The following LAMB4 variants were observed in gnomAD, a reference collection of about 807,000 sequenced individuals.
LAMB4 encodes the protein laminin subunit beta-4.
Under a neutral mutation model 199.2 loss-of-function variants are expected in LAMB4, and 196 were observed. The ratio of observed to expected loss-of-function variants is 0.98; its 90% CI spans 0.88 to 1.11. The LOEUF is 1.11. LAMB4 is among the 50% of genes least tolerant of loss of function. The pLI, the probability that LAMB4 is intolerant of heterozygous loss-of-function variation, is 0.00. For synonymous variants in LAMB4, 744 were observed against 770.6 expected, an observed-to-expected ratio of 0.97 and a Z score of 0.57; for missense variants, 2,080 against 2,171.2, an observed-to-expected ratio of 0.96 and a Z score of 0.83.
intron 14 of LAMB4, among the ~76,000 whole-genome samples, chr7:108,090,137 A>G (rs1448290594): frequency 6.6e-6 from 1 of 152,234 alleles, no homozygotes; most frequent in African/African-American, 2.4e-5. Context: ...TAATGTATGT[A>G]AAGTGCAAAG....
chr7:108,129,300 G>A (rs1251589501), intron 1 of LAMB4, among the ~76,000 whole-genome samples: 2 of 152,134 alleles, frequency 1.3e-5, no homozygotes, highest in African/African-American at 4.8e-5. Flanking sequence ...CCTTTCTTCT[G>A]CAAATTGGAC....
At position 108,069,767 on chromosome 7, in the gene LAMB4, G is replaced by A. The variant is rs773479565; in HGVS notation, c.2243C>T (p.Pro748Leu). ...IASAMGPQVL[P>L]GACERLIISM... ...GATGATCAGCCTTTCACAGGCACCCGGGAGCACTTGAGGTCCCATTGCTGA... is the reference window on the plus strand; with the variant it reads ...GATGATCAGCCTTTCACAGGCACCCAGGAGCACTTGAGGTCCCATTGCTGA... Residue 748 changes from proline to leucine, a missense_variant, in exon 18 of 34, where the codon CCG becomes CTG. By Grantham distance (98) the Pro-to-Leu change is moderately conservative. Transcript: ENST00000388781. 14 of 1,613,796 alleles carry A rather than the reference G, an allele frequency of 8.7e-6. No individual in the cohort carries two copies. The highest frequency in any genetic ancestry group is 1.1e-5 in the Non-Finnish European group (13 of 1,179,882).
rs1332649607 is a variant in LAMB4, at chr7:108,092,382, C to A, written c.1505G>T (p.Gly502Val). The change falls in exon 13 of 34, where the codon GGG (glycine) becomes GTG (valine). Residue 502 changes from glycine to valine, a missense_variant. Coordinates refer to ENST00000388781, the MANE Select transcript of LAMB4 (RefSeq NM_007356.3). ...AATATCACAGTCACAGGGAGAACAC[C>A]CATGGAGATGATTTCCCAGGCCCCA... Reference protein sequence around the residue: ...GYWGLGNHLHGCSPCDCDIGG... With the variant: ...GYWGLGNHLHVCSPCDCDIGG... 19 of 1,613,926 alleles carry A rather than the reference C, an allele frequency of 1.2e-5. No homozygotes were observed. Among genetic ancestry groups the A allele is most frequent in the Non-Finnish European group, 1.5e-5 (18 of 1,179,902 alleles).
At chr7:108,017,351 T>C in the LAMB4 span, among the ~76,000 whole-genome samples, 14 of 152,302 alleles carry the variant, frequency 9.2e-5, no homozygotes, top group African/African-American at 3.4e-4. Context: ...GGCTGTTTCA[T>C]GTTGCAAGAA....
Position 108,116,141 on chromosome 7 carries a change from C to T in LAMB4, c.55G>A (p.Ala19Thr), listed in dbSNP as rs779202203. The change falls in exon 3 of 34, where the codon GCT becomes ACT. Residue 19 changes from alanine to threonine, a missense_variant. Physicochemically the swap from Ala to Thr is moderately conservative, Grantham distance 58. Transcript: ENST00000388781. ...GCACCCCTGTTGCAGTCATCTTGAG[C>T]TTTTGAGTAACTGAGCCACCCTTGA... ...LHLGWLSYSK[A>T]QDDCNRGACH... 7 of 1,613,768 alleles carry T rather than the reference C, an allele frequency of 4.3e-6. No homozygotes were observed. The African/African-American group carries it at 8.0e-5, about 18-fold the overall frequency.
At chr7:108,012,126 A>AGGAGGT in the LAMB4 span, among the ~76,000 whole-genome samples, 1 of 151,794 alleles carries the variant, frequency 6.6e-6, no homozygotes, top group Non-Finnish European at 1.5e-5. Flanking sequence ...AGCAAACAAC[A>AGGAGGT]ACATAATTTC....
chr7:108,121,750 TAA>T (rs36039113), intron 2 of LAMB4, among the ~76,000 whole-genome samples: 50 of 138,124 alleles, frequency 3.6e-4, no homozygotes, highest in Admixed American at 6.6e-4. Context: ...AACTCTGTCT[TAA>T]AAAAAAAAAA....
rs1329297571 is a variant in LAMB4 at position 108,062,921 on chromosome 7, A to T, written c.3135T>A (p.Pro1045=). ...PPGGGACLCD[P]VTGACPCLPN... is the part of the protein sequence containing the mutation. ...GCAGACAAGGACATGCACCAGTGAC[A>T]GGGTCACAGAGGCAAGCTCCCCCAC... is the stretch of plus-strand genomic sequence containing the variant. The change falls in exon 23 of 34, where the codon CCT becomes CCA. Residue 1045 remains proline, a synonymous_variant. Coordinates refer to ENST00000388781, the MANE Select transcript of LAMB4 (RefSeq NM_007356.3). 18 of 1,608,602 alleles carry T rather than the reference A, an allele frequency of 1.1e-5. No individual in the cohort carries two copies. The highest frequency in any genetic ancestry group is 1.4e-5 in the Non-Finnish European group (17 of 1,177,818).
At chr7:108,040,553 A>C (rs780048580) in intron 29 of LAMB4, among the ~76,000 whole-genome samples, 2 of 152,220 alleles carry the variant, frequency 1.3e-5, no homozygotes, top group Admixed American at 6.5e-5. Flanking sequence ...TGCTAGTACA[A>C]AAAACAGACA....
At chr7:108,047,822 G>C (rs559173114) in intron 28 of LAMB4, 86 bp downstream of exon 28, 36 of 1,054,182 alleles carry the variant, frequency 3.4e-5, no homozygotes, top group Non-Finnish European at 4.8e-5. Context: ...TTCTCACTTG[G>C]AAGTTATATG....
intron 14 of LAMB4, among the ~76,000 whole-genome samples, chr7:108,082,078 C>T (rs547032448): frequency 1.3e-5 from 2 of 152,212 alleles, no homozygotes; most frequent in East Asian, 1.9e-4. Context: ...CGCCTGTAAT[C>T]CTAGCACTTT....
At chr7:108,040,477 G>A (rs2035383874) in intron 29 of LAMB4, among the ~76,000 whole-genome samples, 1 of 152,166 alleles carries the variant, frequency 6.6e-6, no homozygotes, top group African/African-American at 2.4e-5. Flanking sequence ...AATGAACACA[G>A]CTAGAGACAT....
chr7:108,057,703 G>C, intron 24 of LAMB4, 129 bp downstream of exon 24: 2 of 620,564 alleles, frequency 3.2e-6, no homozygotes, highest in South Asian at 4.0e-5. Flanking sequence ...ATTAAACTTT[G>C]TGAGTTTTCT....
intron 10 of LAMB4, among the ~76,000 whole-genome samples, chr7:108,102,672 G>T (rs752675307): frequency 6.6e-6 from 1 of 152,120 alleles, no homozygotes; most frequent in East Asian, 1.9e-4. Flanking sequence ...TTTAAAAAGC[G>T]CAAGGTAAGT....
chr7:108,076,936 ATACT>A lies in LAMB4; in HGVS notation c.2124+4_2124+7del, dbSNP rs1361395297. The A allele has an allele frequency of 6.2e-7, 1 of 1,613,892 alleles. No individual in the cohort carries two copies. Among genetic ancestry groups the A allele is most frequent in the Admixed American group, 1.7e-5 (1 of 60,002 alleles). ...AAGAAAGCACCCACAAAACTCTGTG[ATACT>A]TACAGAGTCCACCAGGACATGTGAA... is the stretch of plus-strand genomic sequence containing the variant. On this transcript the variant is annotated splice_donor_5th_base_variant and intron_variant, in intron 17 of 33. Transcript: ENST00000388781.
At chr7:108,044,731 T>A (rs1217597576) in intron 28 of LAMB4, among the ~76,000 whole-genome samples, 2 of 152,080 alleles carry the variant, frequency 1.3e-5, no homozygotes, top group Non-Finnish European at 2.9e-5. Context: ...GGCAGACAGA[T>A]CACTTGAGGT....
In LAMB4 at chr7:108,048,067, A is replaced by G. The variant is rs936794567; in HGVS notation, c.4167T>C (p.Cys1389=). Residue 1389 remains cysteine, a synonymous_variant, in exon 28 of 34, where the codon TGT becomes TGC. Transcript: ENST00000388781. ...TCCGGCCCGTGCAGAGAGCACCGCC[A>G]CAGGGCAAGGGCACACATGGCACAT... is the stretch of plus-strand genomic sequence containing the variant. ...PGNVPCVPLP[C]GGALCTGRKG... 46 of 1,613,568 alleles carry G rather than the reference A, an allele frequency of 2.9e-5. No individual in the cohort carries two copies. The highest frequency in any genetic ancestry group is 3.7e-5 in the Non-Finnish European group (44 of 1,179,926).
At chr7:108,064,804 A>C (rs2036279235) in intron 21 of LAMB4, among the ~76,000 whole-genome samples, 1 of 152,172 alleles carries the variant, frequency 6.6e-6, no homozygotes, top group Non-Finnish European at 1.5e-5. Context: ...TATTGCCATA[A>C]GTTCTACATA....
chr7:108,029,988 C>T (rs550371322), intron 32 of LAMB4, among the ~76,000 whole-genome samples: 14 of 151,924 alleles, frequency 9.2e-5, no homozygotes, highest in African/African-American at 1.9e-4. Flanking sequence ...CGTGGTGGCA[C>T]GTGGCTGTAA....
Sources: gnomAD v4.1 joint callset for allele counts (sites outside exome capture counted in the v4.1 genomes callset) on GRCh38, gnomAD v4.1.1 for gene constraint, MANE v1.5 for transcripts, NCBI Gene and HGNC (gene_info 2026-07-23, HGNC 2026-07-21) for gene names.